CNTNAP3B: variants seen among roughly 807,000 people sequenced by gnomAD.
CNTNAP3B encodes the protein contactin associated protein family member 3B.
In CNTNAP3B, 25 loss-of-function variants were observed where a neutral mutation model predicts 108.9. That is an observed-to-expected ratio of 0.23 (90% CI 0.17 to 0.32). CNTNAP3B has a LOEUF of 0.32. Ranked by LOEUF, CNTNAP3B falls within the 10% of genes least tolerant of loss-of-function variation. The pLI, the probability that CNTNAP3B is intolerant of heterozygous loss-of-function variation, is 1.00. For synonymous variants in CNTNAP3B, 103 were observed against 473.4 expected, an observed-to-expected ratio of 0.22 and a Z score of 10.16; for missense variants, 252 against 1,210.4, an observed-to-expected ratio of 0.21 and a Z score of 11.75.
chr9:41,999,448 C>A (rs1347229783), intron 4 of CNTNAP3B, among the ~76,000 whole-genome samples: 2 of 51,756 alleles, frequency 3.9e-5, no homozygotes, highest in African/African-American at 1.1e-4. Context: ...CCTCTGGACT[C>A]CAGCTGCAAT....
intron 3 of CNTNAP3B, among the ~76,000 whole-genome samples, chr9:42,060,170 G>A (rs990456416): frequency 7.2e-6 from 1 of 138,580 alleles, no homozygotes; most frequent in Admixed American, 7.2e-5. Flanking sequence ...TGTCATATGT[G>A]ACCCTTATTT....
chr9:41,932,412 A>G (rs1317929921), intron 14 of CNTNAP3B, among the ~76,000 whole-genome samples: 3 of 151,842 alleles, frequency 2.0e-5, no homozygotes, highest in African/African-American at 7.2e-5. Context: ...ACTACTTATT[A>G]TTTGCCAGGG....
chr9:42,056,225 G>C (rs1277736123), intron 3 of CNTNAP3B, among the ~76,000 whole-genome samples: 1 of 135,486 alleles, frequency 7.4e-6, no homozygotes, highest in Non-Finnish European at 1.6e-5. Context: ...CACAGCCTCA[G>C]TAAATGTTTT....
intron 11 of CNTNAP3B, among the ~76,000 whole-genome samples, chr9:41,962,800 A>G (rs1296310135): frequency 3.3e-5 from 5 of 152,160 alleles, no homozygotes; most frequent in Non-Finnish European, 7.3e-5. Flanking sequence ...CTAAAAATAC[A>G]AAAAATTAGC....
chr9:42,063,348 T>C (rs1424907569), intron 3 of CNTNAP3B, among the ~76,000 whole-genome samples: 1 of 134,274 alleles, frequency 7.4e-6, no homozygotes, highest in African/African-American at 3.0e-5. Context: ...TTTGTTTTTT[T>C]CCTTTCAGCA....
chr9:41,940,013 G>A (rs1165532633), intron 13 of CNTNAP3B, among the ~76,000 whole-genome samples: 3 of 152,300 alleles, frequency 2.0e-5, no homozygotes, highest in Non-Finnish European at 4.4e-5. Flanking sequence ...AGAATAGAGT[G>A]AAAAGACACA....
At chr9:42,055,338 A>T (rs1167981508) in intron 3 of CNTNAP3B, among the ~76,000 whole-genome samples, 1 of 137,338 alleles carries the variant, frequency 7.3e-6, no homozygotes, top group Non-Finnish European at 1.5e-5. Flanking sequence ...TTCAAATGGG[A>T]GAATATCTTA....
chr9:42,110,405 A>G (rs1161599464), intron 1 of CNTNAP3B, among the ~76,000 whole-genome samples: 1 of 137,006 alleles, frequency 7.3e-6, no homozygotes, highest in Non-Finnish European at 1.6e-5. Flanking sequence ...GGGCCACCGA[A>G]CTGCTAATAT....
intron 2 of CNTNAP3B, among the ~76,000 whole-genome samples, chr9:42,103,683 T>C (rs1233243088): frequency 1.1e-5 from 1 of 90,950 alleles, no homozygotes; most frequent in Non-Finnish European, 2.3e-5. Flanking sequence ...TGCAGTGAGC[T>C]GAGATTGCAC....
intron 3 of CNTNAP3B, among the ~76,000 whole-genome samples, chr9:42,064,884 G>A (rs1323212890): frequency 6.7e-6 from 1 of 149,250 alleles, no homozygotes; most frequent in Admixed American, 6.7e-5. Flanking sequence ...TTGATTCCAT[G>A]TCTTTGCTAT....
chr9:41,957,983 C>T (rs1486883400), intron 12 of CNTNAP3B, among the ~76,000 whole-genome samples: 14 of 152,272 alleles, frequency 9.2e-5, no homozygotes, highest in South Asian at 2.1e-4. Flanking sequence ...AGGATGGTCT[C>T]GATCTCCTGA....
At chr9:41,953,423 CG>C in intron 12 of CNTNAP3B, 37 bp from the exon 13 acceptor site, 1 of 1,514,246 alleles carries the variant, frequency 6.6e-7, no homozygotes, top group Middle Eastern at 1.9e-4. Context: ...CATCACTGGG[CG>C]GCAGACGCCA....
chr9:41,952,854 T>G (rs1219540282), intron 13 of CNTNAP3B, among the ~76,000 whole-genome samples: 1 of 150,362 alleles, frequency 6.7e-6, no homozygotes, highest in Admixed American at 6.7e-5. Context: ...CATGAAGAAC[T>G]GTTAGACCCA....
At chr9:41,969,076 G>T (rs1168684709) in intron 10 of CNTNAP3B, among the ~76,000 whole-genome samples, 97 of 152,386 alleles carry the variant, frequency 6.4e-4, no homozygotes, top group African/African-American at 2.3e-3. Context: ...GATTACAGGC[G>T]TGAGCCACCA....
chr9:42,121,702 T>C lies in CNTNAP3B; in HGVS notation c.85+7308A>G, dbSNP rs948587728. 3.6e-5 allele frequency among the ~76,000 whole-genome samples: 5 copies of C among 140,284 alleles called. 1 individual carries two copies. Among genetic ancestry groups the C allele is most frequent in the Non-Finnish European group, 7.7e-5 (5 of 65,176 alleles). The allele number at this position is 140,284 out of a possible 152,430, so 92.0% of individuals were successfully genotyped here. A position where few individuals can be genotyped will look rare whatever the true frequency, so the allele number is the denominator to read the frequency against. On this transcript the variant is annotated intron_variant, in intron 1 of 23. Transcript: ENST00000377561. ...GTCAACTGTGATTTATGAAATGACA[T>C]ATGCTATTTTTATATTGCAATGTTT... is the stretch of plus-strand genomic sequence containing the variant.
Position 42,115,055 on chromosome 9 carries a change from G to GA in CNTNAP3B, c.86-10317dup, listed in dbSNP as rs1173816011. On this transcript the variant is annotated intron_variant, in intron 1 of 23. Transcript: ENST00000377561. ...GGTGACAGAGCAAGACTCCATATCGGAAAAAAAAAAGAAATACTTACAATG... is the reference window on the plus strand; with the variant it reads ...GGTGACAGAGCAAGACTCCATATCGGAAAAAAAAAAAGAAATACTTACAATG... Among the ~76,000 whole-genome samples, 102 of 127,762 alleles carry GA rather than the reference G, an allele frequency of 8.0e-4. 8 individuals carry two copies. The highest frequency in any genetic ancestry group is 1.5e-3 in the African/African-American group (49 of 31,656). 83.8% of individuals were successfully genotyped at this position (127,762 alleles called of 152,430 possible). A position where few individuals can be genotyped will look rare whatever the true frequency, so the allele number is the denominator to read the frequency against.
chr9:42,018,594 C>A (rs1288035170), intron 3 of CNTNAP3B, among the ~76,000 whole-genome samples: 4 of 151,354 alleles, frequency 2.6e-5, no homozygotes, highest in Non-Finnish European at 4.4e-5. Context: ...GCAAGTGGGA[C>A]CTGGGGCTGC....
At chr9:41,919,619 A>C (rs1823614526) in intron 18 of CNTNAP3B, among the ~76,000 whole-genome samples, 1 of 152,262 alleles carries the variant, frequency 6.6e-6, no homozygotes, top group South Asian at 2.1e-4. Flanking sequence ...TGAATCACTT[A>C]AAGTCACTGT....
In CNTNAP3B at chr9:42,098,802, A is replaced by T. The variant is rs1374901060; in HGVS notation, c.196+5827T>A. Among the ~76,000 whole-genome samples, 3 of 130,504 alleles carry T rather than the reference A, an allele frequency of 2.3e-5. 1 individual carries two copies. The highest frequency in any genetic ancestry group is 4.8e-5 in the Non-Finnish European group (3 of 62,132). 85.6% of individuals were successfully genotyped at this position (130,504 alleles called of 152,430 possible). ...CTATTTTTTCTATTGAGTTGAGATA[A>T]TTATTTGTGCTAATAATAGAAAGAA... is the stretch of plus-strand genomic sequence containing the variant. On this transcript the variant is annotated intron_variant, in intron 2 of 23. Transcript: ENST00000377561.
Sources: allele counts gnomAD v4.1 joint callset (sites outside exome capture counted in the v4.1 genomes callset), GRCh38; gene constraint gnomAD v4.1.1; transcripts MANE v1.5; gene names NCBI Gene and HGNC (gene_info 2026-07-23, HGNC 2026-07-21).